The following NRK variants were observed in gnomAD, a reference collection of about 807,000 sequenced individuals.
NRK encodes Nik related kinase.
A neutral mutation model predicts 125.2 loss-of-function variants in NRK; 67 were observed. The ratio of observed to expected loss-of-function variants is 0.54; its 90% confidence interval spans 0.44 to 0.66. The LOEUF (loss-of-function observed/expected upper bound fraction) is 0.66. Ranked by LOEUF, NRK falls within the 30% of genes least tolerant of loss-of-function variation. The pLI, the probability that NRK is intolerant of heterozygous loss-of-function variation, is 0.00. For synonymous variants in NRK, 458 were observed against 429.0 expected, an observed-to-expected ratio of 1.07 and a Z score of -0.84; for missense variants, 1,224 against 1,192.9, an observed-to-expected ratio of 1.03 and a Z score of -0.38.
intron 19 of NRK, among the ~76,000 whole-genome samples, chrX:105,927,255 G>A (rs747913295): frequency 1.2e-4 from 13 of 110,869 alleles, no homozygotes; most frequent in Non-Finnish European, 1.7e-4. Context: ...ATATGGGATT[G>A]TTTTTGTGAT....
At chrX:105,920,737 T>C (rs2040431193) in intron 16 of NRK, among the ~76,000 whole-genome samples, 1 of 109,188 alleles carries the variant, frequency 9.2e-6, no homozygotes, top group East Asian at 2.9e-4. Context: ...AAAATGCTCA[T>C]CGTCACTGGC....
At position 105,908,917 on chromosome X, in the gene NRK, C is replaced by T. The variant is rs55635933; in HGVS notation, c.1276C>T (p.Pro426Ser). ...GCCACTGCAGGCTCTGGACAGTGCA[C>T]CTAAGCCTCTAAAGGGGCAGGCTCA... ...FMPLQALDSA[P>S]KPLKGQAQAP... Residue 426 changes from proline to serine, a missense_variant, in exon 13 of 29, where the codon CCT becomes TCT. Pro to Ser is a moderately conservative substitution (Grantham distance 74). Transcript: ENST00000243300. The T allele has an allele frequency of 9.1e-6, 11 of 1,209,052 alleles. No homozygotes were observed. The highest frequency in any genetic ancestry group is 1.2e-5 in the Non-Finnish European group (11 of 894,730).
chrX:105,878,449 T>G (rs753468948), intron 2 of NRK, among the ~76,000 whole-genome samples: 1 of 111,614 alleles, frequency 9.0e-6, no homozygotes, highest in East Asian at 2.8e-4. Flanking sequence ...CATGTTCTTT[T>G]GAAAAATTTA....
chrX:105,836,702 T>C (rs1322713194), intron 2 of NRK, among the ~76,000 whole-genome samples: 4 of 111,997 alleles, frequency 3.6e-5, no homozygotes, highest in African/African-American at 1.3e-4. Context: ...AAGTAGCATA[T>C]TGTGGTGAAA....
At chrX:105,933,176 C>G (rs909699568) in intron 19 of NRK, among the ~76,000 whole-genome samples, 1 of 107,355 alleles carries the variant, frequency 9.3e-6, no homozygotes, top group Non-Finnish European at 1.9e-5. Context: ...GTCTATCTAT[C>G]TATCTATCTA....
At chrX:105,847,345 A>G (rs1481110837) in intron 2 of NRK, among the ~76,000 whole-genome samples, 1 of 112,662 alleles carries the variant, frequency 8.9e-6, no homozygotes, top group Non-Finnish European at 1.9e-5. Flanking sequence ...ATTACATGGC[A>G]TGTTATATGG....
At chrX:105,826,199 T>G (rs935411555) in intron 1 of NRK, among the ~76,000 whole-genome samples, 3 of 89,550 alleles carry the variant, frequency 3.4e-5, no homozygotes, top group Non-Finnish European at 4.2e-5. Context: ...GATAATATAT[T>G]ATCATATATA....
intron 2 of NRK, among the ~76,000 whole-genome samples, chrX:105,843,096 C>T (rs2039350348): frequency 9.0e-6 from 1 of 111,541 alleles, no homozygotes; most frequent in Non-Finnish European, 1.9e-5. Flanking sequence ...CTTAGAATAC[C>T]TAGTAAAGTG....
intron 2 of NRK, among the ~76,000 whole-genome samples, chrX:105,847,772 A>G (rs1026044462): frequency 3.6e-5 from 4 of 111,748 alleles, no homozygotes; most frequent in African/African-American, 1.3e-4. Context: ...CCATCTTTCT[A>G]TAATCATGTC....
chrX:105,826,062 A>C (rs757076297), intron 1 of NRK, among the ~76,000 whole-genome samples: 98 of 98,536 alleles, frequency 9.9e-4, no homozygotes, highest in Non-Finnish European at 1.3e-3. Context: ...CTCTCTATAT[A>C]TATATATATA....
At chrX:105,880,311 A>G in intron 3 of NRK, 56 bp downstream of exon 3, 1 of 460,666 alleles carries the variant, frequency 2.2e-6, no homozygotes, top group Middle Eastern at 3.6e-4. Flanking sequence ...TTCCTGGGAT[A>G]CACAACTCAG....
At chrX:105,844,011 G>GTGTGTGTGTGTGTGTGTGTC (rs1569290019) in intron 2 of NRK, among the ~76,000 whole-genome samples, 2 of 87,251 alleles carry the variant, frequency 2.3e-5, no homozygotes, top group African/African-American at 9.5e-5. Context: ...GTGTGTGTGT[G>GTGTGTGTGTGTGTGTGTGTC]TGTGTGTCTG....
chrX:105,833,527 A>ATG (rs2039223158), intron 2 of NRK, among the ~76,000 whole-genome samples: 2 of 111,303 alleles, frequency 1.8e-5, no homozygotes, highest in Admixed American at 1.9e-4. Flanking sequence ...AAAAGCTCAG[A>ATG]GTCATATAAG....
At chrX:105,874,078 T>A (rs1317259766) in intron 2 of NRK, among the ~76,000 whole-genome samples, 1 of 111,501 alleles carries the variant, frequency 9.0e-6, no homozygotes, top group Non-Finnish European at 1.9e-5. Flanking sequence ...TCCACATACC[T>A]TACTCAATAC....
intron 14 of NRK, among the ~76,000 whole-genome samples, chrX:105,913,613 AT>A (rs1220689777): frequency 3.6e-5 from 4 of 111,421 alleles, no homozygotes; most frequent in Admixed American, 2.9e-4. Flanking sequence ...TTGTGGCATC[AT>A]TTTTTCCCCT....
Position 105,921,290 on chromosome X carries a change from AT to A in NRK, c.2513-673del, listed in dbSNP as rs1417005695. Among the ~76,000 whole-genome samples the A allele has an allele frequency of 1.7e-3, 169 of 96,685 alleles. 2 individuals are homozygous for A. Among genetic ancestry groups the A allele is most frequent in the African/African-American group, 6.2e-3 (164 of 26,367 alleles). 84.0% of individuals were successfully genotyped at this position (96,685 alleles called of 115,157 possible). On this transcript the variant is annotated intron_variant, in intron 16 of 28. Transcript: ENST00000243300. ...GGTGGGAATTGAACAATGAGATCAC[AT>A]GGACACAGGAAGGGGAATATCACAC... is the stretch of plus-strand genomic sequence containing the variant.
At chrX:105,827,347 G>A (rs779399308) in intron 1 of NRK, among the ~76,000 whole-genome samples, 10 of 112,001 alleles carry the variant, frequency 8.9e-5, no homozygotes, top group Non-Finnish European at 1.7e-4. Context: ...CTGCTGGAGC[G>A]TGTTTCCTCA....
intron 27 of NRK, among the ~76,000 whole-genome samples, chrX:105,952,595 A>G (rs770377133): frequency 5.4e-5 from 6 of 111,880 alleles, no homozygotes; most frequent in Non-Finnish European, 1.1e-4. Flanking sequence ...TAACTATTTT[A>G]ATTTTTGAGA....
At chrX:105,846,966 T>G (rs1465885225) in intron 2 of NRK, among the ~76,000 whole-genome samples, 2 of 112,106 alleles carry the variant, frequency 1.8e-5, no homozygotes, top group African/African-American at 3.2e-5. Context: ...TCTCATTTTG[T>G]ATATGTAACT....
Sources: gnomAD v4.1 joint callset for allele counts (sites outside exome capture counted in the v4.1 genomes callset) on GRCh38, gnomAD v4.1.1 for gene constraint, MANE v1.5 for transcripts, NCBI Gene and HGNC (gene_info 2026-07-23, HGNC 2026-07-21) for gene names.